The following RASAL2 variants were observed in gnomAD, a reference collection of about 807,000 sequenced individuals.
The protein encoded by RASAL2 is ras GTPase-activating protein nGAP.
A neutral mutation model predicts 128.9 loss-of-function variants in RASAL2; 58 were observed. That is an observed-to-expected ratio of 0.45 (90% CI 0.36 to 0.56). The LOEUF is 0.56. RASAL2 is among the 20% of genes least tolerant of loss of function. RASAL2 has a pLI of 0.00. For synonymous variants in RASAL2, 561 were observed against 580.8 expected, an observed-to-expected ratio of 0.97 and a Z score of 0.49; for missense variants, 1,360 against 1,601.6, an observed-to-expected ratio of 0.85 and a Z score of 2.57.
intron 4 of RASAL2, among the ~76,000 whole-genome samples, chr1:178,416,100 T>G (rs1674734405): frequency 6.6e-6 from 1 of 152,134 alleles, no homozygotes; most frequent in African/African-American, 2.4e-5. Context: ...TGTTAACTGT[T>G]TTCTATTTGT....
At chr1:178,389,788 A>ATT (rs1672786688) in intron 3 of RASAL2, among the ~76,000 whole-genome samples, 1 of 152,204 alleles carries the variant, frequency 6.6e-6, no homozygotes, top group Admixed American at 6.5e-5. Flanking sequence ...AGAGAAGTAG[A>ATT]TTTATATACT....
At chr1:178,432,911 A>G (rs1676012626) in intron 5 of RASAL2, among the ~76,000 whole-genome samples, 1 of 151,994 alleles carries the variant, frequency 6.6e-6, no homozygotes. Context: ...TCCACTCCTT[A>G]GCCAAGGTAG....
At chr1:178,203,099 C>T (rs1170730610) in intron 1 of RASAL2, among the ~76,000 whole-genome samples, 3 of 152,160 alleles carry the variant, frequency 2.0e-5, no homozygotes, top group African/African-American at 7.2e-5. Flanking sequence ...GGTTTGTCCT[C>T]ACTGGAATAG....
At chr1:178,145,554 C>A (rs116369092) in intron 1 of RASAL2, among the ~76,000 whole-genome samples, 4,535 of 123,492 alleles carry the variant, frequency 0.037, 1 homozygote, top group Non-Finnish European at 0.042. Context: ...GTGACTTTGA[C>A]AAAAAAAAAA....
chr1:178,208,107 G>T (rs767414224), intron 1 of RASAL2, among the ~76,000 whole-genome samples: 1 of 152,176 alleles, frequency 6.6e-6, no homozygotes, highest in African/African-American at 2.4e-5. Flanking sequence ...TGTGTTAACT[G>T]TACAAATCGA....
At chr1:178,328,782 T>C (rs1457353549) in intron 3 of RASAL2, among the ~76,000 whole-genome samples, 1 of 152,338 alleles carries the variant, frequency 6.6e-6, no homozygotes, top group East Asian at 1.9e-4. Context: ...AACCCAGGTC[T>C]GTATGACTTT....
chr1:178,384,644 G>A (rs1455830534), intron 3 of RASAL2, among the ~76,000 whole-genome samples: 9 of 149,914 alleles, frequency 6.0e-5, no homozygotes, highest in South Asian at 2.1e-4. Context: ...CTCCAGCTTG[G>A]GAGACTGAGT....
chr1:178,324,723 A>G (rs1289259893), intron 3 of RASAL2, among the ~76,000 whole-genome samples: 1 of 152,176 alleles, frequency 6.6e-6, no homozygotes, highest in Non-Finnish European at 1.5e-5. Flanking sequence ...TTAATTGTAC[A>G]TGTGCATATG....
chr1:178,280,103 T>C (rs1055481489), intron 1 of RASAL2, among the ~76,000 whole-genome samples: 1 of 152,158 alleles, frequency 6.6e-6, no homozygotes, highest in Non-Finnish European at 1.5e-5. Flanking sequence ...GTATACTAAC[T>C]TTTGAAAAGC....
intron 1 of RASAL2, among the ~76,000 whole-genome samples, chr1:178,143,658 T>C (rs1660615888): frequency 6.6e-6 from 1 of 152,008 alleles, no homozygotes; most frequent in African/African-American, 2.4e-5. Flanking sequence ...TAGAAAAAGA[T>C]ATACACGAGA....
chr1:178,475,645 T>A lies in RASAL2; in HGVS notation c.*2406T>A, dbSNP rs1352409939. 3 of 152,178 alleles carry A rather than the reference T, an allele frequency of 2.0e-5. No individual in the cohort carries two copies. The highest frequency in any genetic ancestry group is 2.0e-4 in the Admixed American group (3 of 15,284). 9.4% of individuals were successfully genotyped at this position (152,178 alleles called of 1,614,324 possible). ...TGATAAAATTACTTATATTGGGAAT[T>A]GAGAGAAGCCCCAAAAAATCAAATG... On this transcript the variant is annotated 3_prime_UTR_variant, in exon 18 of 18. Coordinates refer to ENST00000367649, the MANE Select transcript of RASAL2 (RefSeq NM_170692.4).
chr1:178,258,235 A>C (rs1014207472), intron 1 of RASAL2, among the ~76,000 whole-genome samples: 1 of 147,022 alleles, frequency 6.8e-6, no homozygotes, highest in Non-Finnish European at 1.5e-5. Context: ...TGGAGTTTGC[A>C]GTGAGCCAAG....
intron 3 of RASAL2, among the ~76,000 whole-genome samples, chr1:178,382,766 T>C (rs1220716964): frequency 1.3e-5 from 2 of 152,176 alleles, no homozygotes; most frequent in East Asian, 3.9e-4. Flanking sequence ...CCACAATTAC[T>C]TTTGCACCAA....
At chr1:178,291,300 G>A (rs190000522) in intron 2 of RASAL2, among the ~76,000 whole-genome samples, 131 of 152,316 alleles carry the variant, frequency 8.6e-4, no homozygotes, top group Non-Finnish European at 1.6e-3. Context: ...CTATGATGAG[G>A]AATTTGGATT....
intron 4 of RASAL2, among the ~76,000 whole-genome samples, chr1:178,394,774 T>C (rs1165792923): frequency 2.0e-5 from 3 of 152,322 alleles, no homozygotes; most frequent in African/African-American, 7.2e-5. Context: ...AGTAGCTGAA[T>C]ATTCCTATGT....
intron 1 of RASAL2, among the ~76,000 whole-genome samples, chr1:178,164,118 A>G (rs1558089914): frequency 6.6e-6 from 1 of 152,058 alleles, no homozygotes; most frequent in Non-Finnish European, 1.5e-5. Context: ...AATTCTTTCA[A>G]CTTTTTTGTG....
intron 3 of RASAL2, among the ~76,000 whole-genome samples, chr1:178,359,004 T>A (rs11588490): frequency 0.11 from 16,166 of 152,062 alleles, 909 homozygotes; most frequent in Middle Eastern, 0.14. Flanking sequence ...AGCAAAAATA[T>A]GGAGAGATAT....
chr1:178,094,179 C>T lies in RASAL2; in HGVS notation c.-314C>T, dbSNP rs1031096294. On this transcript the variant is annotated 5_prime_UTR_variant, in exon 1 of 18. Coordinates refer to ENST00000367649, the MANE Select transcript of RASAL2 (RefSeq NM_170692.4). ...CCGAGGAGGTGGGAGGGCGAGCCTC[C>T]CCTCCCGGGTTCTTCTGCGTCCTCT... 1.3e-5 allele frequency: 5 copies of T among 383,286 alleles called. No individual in the cohort carries two copies. Among genetic ancestry groups the T allele is most frequent in the Non-Finnish European group, 2.3e-5 (5 of 214,436 alleles). The allele number at this position is 383,286 out of a possible 1,614,324, so 23.7% of individuals were successfully genotyped here.
intron 17 of RASAL2, among the ~76,000 whole-genome samples, chr1:178,472,612 G>T (rs959679384): frequency 6.6e-6 from 1 of 152,132 alleles, no homozygotes; most frequent in African/African-American, 2.4e-5. Context: ...TTCCAAATGT[G>T]ACTGATATGC....
Sources: allele counts gnomAD v4.1 joint callset (sites outside exome capture counted in the v4.1 genomes callset), GRCh38; gene constraint gnomAD v4.1.1; transcripts MANE v1.5; gene names NCBI Gene and HGNC (gene_info 2026-07-23, HGNC 2026-07-21).